Variants in USP34 observed in about 807,000 individuals in gnomAD.
USP34 encodes the protein ubiquitin carboxyl-terminal hydrolase 34.
Under a neutral mutation model 460.3 loss-of-function variants are expected in USP34, and 70 were observed. The observed-to-expected ratio is 0.15, with a 90% CI of 0.13 to 0.19. The LOEUF (loss-of-function observed/expected upper bound fraction) is 0.19. Ranked by LOEUF, USP34 falls within the 10% of genes least tolerant of loss-of-function variation. The pLI is 1.00. For missense variants in USP34, 3,985 were observed against 4,236.2 expected (o/e 0.94, Z 1.65); for synonymous variants, 1,647 against 1,405.3 (o/e 1.17, Z -3.85).
intron 10 of USP34, among the ~76,000 whole-genome samples, chr2:61,364,281 G>C (rs918272853): frequency 1.3e-5 from 2 of 152,188 alleles, no homozygotes; most frequent in Non-Finnish European, 2.9e-5. Flanking sequence ...AGGGTCACTT[G>C]AGCCCAGGAG....
At chr2:61,283,310 T>C (rs1689590092) in intron 36 of USP34, 41 bp from the exon 37 acceptor site, 1 of 1,595,848 alleles carries the variant, frequency 6.3e-7, no homozygotes, top group Non-Finnish European at 8.5e-7. Flanking sequence ...AAAAGGTTTG[T>C]GCTAAAATGA....
chr2:61,190,843 A>G lies in USP34; in HGVS notation c.9589-185T>C. 6.4e-6 allele frequency: 4 copies of G among 621,514 alleles called. No individual in the cohort carries two copies. In the South Asian group the frequency reaches 9.8e-5, roughly 15 times the overall value. The allele number at this position is 621,514 out of a possible 1,614,324, so 38.5% of individuals were successfully genotyped here. A position where few individuals can be genotyped will look rare whatever the true frequency, so the allele number is the denominator to read the frequency against. On this transcript the variant is annotated intron_variant, in intron 76 of 79. Coordinates refer to ENST00000398571, the MANE Select transcript of USP34 (RefSeq NM_014709.4). ...TTAGTTAACAGCAACTATTTTTCAT[A>G]CAGTAAAATGTTACTAATTTAGATT...
At chr2:61,276,450 A>G (rs993182259) in intron 41 of USP34, among the ~76,000 whole-genome samples, 2 of 152,176 alleles carry the variant, frequency 1.3e-5, no homozygotes, top group East Asian at 1.9e-4. Context: ...AATACTATTT[A>G]TAAACTGTAA....
intron 5 of USP34, among the ~76,000 whole-genome samples, chr2:61,384,105 C>A (rs1239751017): frequency 6.6e-6 from 1 of 152,214 alleles, no homozygotes; most frequent in East Asian, 1.9e-4. Flanking sequence ...GTATCTGAAG[C>A]AAATATATTT....
chr2:61,325,233 A>C lies in USP34; in HGVS notation c.3013+142T>G, dbSNP rs1572936295. 26 of 547,188 alleles carry C rather than the reference A, an allele frequency of 4.8e-5. 1 individual carries two copies. In the East Asian group the frequency reaches 8.7e-4, roughly 18 times the overall value. The allele number at this position is 547,188 out of a possible 1,614,324, so 33.9% of individuals were successfully genotyped here. A position where few individuals can be genotyped will look rare whatever the true frequency, so the allele number is the denominator to read the frequency against. Reference sequence around the variant, plus strand: ...GTAGGGATTTGTTACAATACCCTGTAACAAACATACATGTGCCCACTGACT... The same window carrying C: ...GTAGGGATTTGTTACAATACCCTGTCACAAACATACATGTGCCCACTGACT... On this transcript the variant is annotated intron_variant, in intron 21 of 79. Coordinates refer to ENST00000398571, the MANE Select transcript of USP34 (RefSeq NM_014709.4).
intron 3 of USP34, among the ~76,000 whole-genome samples, chr2:61,395,746 A>C (rs1693500745): frequency 7.1e-6 from 1 of 140,516 alleles, no homozygotes; most frequent in South Asian, 2.2e-4. Context: ...AGATCGCGCC[A>C]CAGCACTCCC....
chr2:61,259,468 ACCTCTG>A (rs1688813343), intron 44 of USP34, among the ~76,000 whole-genome samples: 1 of 150,428 alleles, frequency 6.6e-6, no homozygotes, highest in Non-Finnish European at 1.5e-5. Flanking sequence ...GCTTGCTGCA[ACCTCTG>A]CCTCCTGGGC....
chr2:61,447,209 C>T (rs1207212700), intron 1 of USP34, among the ~76,000 whole-genome samples: 2 of 126,618 alleles, frequency 1.6e-5, no homozygotes, highest in African/African-American at 6.1e-5. Context: ...GAGCAGAGAA[C>T]GCACCACTGC....
chr2:61,283,453 T>A lies in USP34; in HGVS notation c.4833-4A>T. 1 of 1,605,436 alleles carries A rather than the reference T, an allele frequency of 6.2e-7. No homozygotes were observed. The highest frequency in any genetic ancestry group is 1.1e-5 in the South Asian group (1 of 89,476). ...ATCAGACTGAGCTTTTAAAACTCTGTAAAGTAAAAACACCACCACCACCAA... is the reference window on the plus strand; with the variant it reads ...ATCAGACTGAGCTTTTAAAACTCTGAAAAGTAAAAACACCACCACCACCAA... On this transcript the variant is annotated splice_region_variant and splice_polypyrimidine_tract_variant and intron_variant, in intron 35 of 79. Coordinates refer to ENST00000398571, the MANE Select transcript of USP34 (RefSeq NM_014709.4).
chr2:61,271,944 A>G (rs1572890050), intron 41 of USP34, among the ~76,000 whole-genome samples: 1 of 152,366 alleles, frequency 6.6e-6, no homozygotes, highest in South Asian at 2.1e-4. Context: ...TAATATTACA[A>G]GAAAACCAAC....
At chr2:61,301,886 TTTAAAGCACTTG>T (rs1157342117) in intron 27 of USP34, among the ~76,000 whole-genome samples, 3 of 152,048 alleles carry the variant, frequency 2.0e-5, no homozygotes, top group Non-Finnish European at 4.4e-5. Flanking sequence ...TTTATCTTTC[TTTAAAGCACTTG>T]TTAACACCTC....
intron 19 of USP34, among the ~76,000 whole-genome samples, chr2:61,332,591 C>T (rs1379261848): frequency 1.3e-5 from 2 of 151,936 alleles, no homozygotes; most frequent in African/African-American, 4.8e-5. Context: ...CCTGCTCGCC[C>T]GTGTTAGCAC....
intron 68 of USP34, 106 bp from the exon 69 acceptor site, chr2:61,212,035 A>C (rs977281901): frequency 1.5e-6 from 2 of 1,314,546 alleles, no homozygotes; most frequent in Non-Finnish European, 1.0e-6. Context: ...TATACAAATA[A>C]GCTAGATTAT....
chr2:61,187,568 T>C lies in USP34; in HGVS notation c.*534A>G. 2.1e-6 allele frequency: 2 copies of C among 957,162 alleles called. No homozygotes were observed. The highest frequency in any genetic ancestry group is 2.5e-6 in the Non-Finnish European group (2 of 803,782). The allele number at this position is 957,162 out of a possible 1,614,324, so 59.3% of individuals were successfully genotyped here. ...TTATTTTTACATCAAGTGTGCTTTA[T>C]TTCCTCCACAGGTATTCTGTTAAAT... On this transcript the variant is annotated 3_prime_UTR_variant, in exon 80 of 80. Transcript: ENST00000398571.
At chr2:61,409,583 G>A (rs528383300) in intron 2 of USP34, among the ~76,000 whole-genome samples, 39 of 151,998 alleles carry the variant, frequency 2.6e-4, no homozygotes, top group African/African-American at 7.5e-4. Context: ...CCATGGTGGC[G>A]GGTGCCTGTA....
chr2:61,364,373 G>A (rs1247245077), intron 10 of USP34, among the ~76,000 whole-genome samples: 1 of 152,122 alleles, frequency 6.6e-6, no homozygotes, highest in Non-Finnish European at 1.5e-5. Context: ...TCCAAAAAAG[G>A]AATGTAAAAC....
intron 19 of USP34, 97 bp from the exon 20 acceptor site, chr2:61,331,468 C>T: frequency 1.0e-6 from 1 of 999,022 alleles, no homozygotes; most frequent in Non-Finnish European, 1.4e-6. Context: ...AAAAAATCTT[C>T]AAATGTAAAA....
intron 34 of USP34, among the ~76,000 whole-genome samples, chr2:61,285,345 G>A (rs897545786): frequency 2.6e-5 from 4 of 151,934 alleles, no homozygotes; most frequent in Non-Finnish European, 5.9e-5. Flanking sequence ...AAAATTAGCT[G>A]GGTGTGTGGT....
At chr2:61,371,726 G>A (rs918923657) in intron 8 of USP34, among the ~76,000 whole-genome samples, 1 of 152,052 alleles carries the variant, frequency 6.6e-6, no homozygotes, top group African/African-American at 2.4e-5. Context: ...TCTTCTCAGC[G>A]ATCACTCACC....
Sources: gnomAD v4.1 joint callset for allele counts (sites outside exome capture counted in the v4.1 genomes callset) on GRCh38, gnomAD v4.1.1 for gene constraint, MANE v1.5 for transcripts, NCBI Gene and HGNC (gene_info 2026-07-23, HGNC 2026-07-21) for gene names.